The following ELAVL2 variants were observed in gnomAD, a reference collection of about 807,000 sequenced individuals.
ELAVL2 encodes the protein ELAV-like protein 2.
A neutral mutation model predicts 34.6 loss-of-function variants in ELAVL2; 4 were observed. That is an observed-to-expected ratio of 0.12 (90% CI 0.06 to 0.26). ELAVL2 has a LOEUF of 0.26. Among genes scored for constraint, ELAVL2 ranks in the 10% least tolerant of loss-of-function variants. The pLI, the probability that ELAVL2 is intolerant of heterozygous loss-of-function variation, is 1.00. For missense variants in ELAVL2, 432 were observed against 442.8 expected (o/e 0.98, Z 0.22); for synonymous variants, 193 against 154.8 (o/e 1.25, Z -1.83).
intron 5 of ELAVL2, among the ~76,000 whole-genome samples, chr9:23,694,950 A>G (rs1169616105): frequency 6.6e-6 from 1 of 152,202 alleles, no homozygotes; most frequent in Non-Finnish European, 1.5e-5. Flanking sequence ...CTGATAGTTT[A>G]TAATAAATAT....
rs1021301287 is a variant in ELAVL2 at position 23,804,427 on chromosome 9, C to T, written c.-16+21379G>A. Among the ~76,000 whole-genome samples the T allele has an allele frequency of 4.6e-5, 7 of 152,166 alleles. No homozygotes were observed. The Middle Eastern group carries it at 0.01, about 223-fold the overall frequency. ...CTTAATACATAGATCTTTTTGAATGCTCTCTGAACCTTGCTTTTTACATTT... is the reference window on the plus strand; with the variant it reads ...CTTAATACATAGATCTTTTTGAATGTTCTCTGAACCTTGCTTTTTACATTT... On this transcript the variant is annotated intron_variant, in intron 1 of 6. Transcript: ENST00000397312.
chr9:23,806,905 C>T (rs897286380), intron 1 of ELAVL2, among the ~76,000 whole-genome samples: 3 of 152,160 alleles, frequency 2.0e-5, no homozygotes, highest in African/African-American at 4.8e-5. Flanking sequence ...TGAACTAAAA[C>T]TTGGTTTACT....
chr9:23,745,371 T>C (rs1189510654), intron 2 of ELAVL2, among the ~76,000 whole-genome samples: 3 of 152,298 alleles, frequency 2.0e-5, no homozygotes, highest in East Asian at 3.9e-4. Context: ...GGCCAGGTCA[T>C]TCCCCTGCCC....
chr9:23,844,175 C>T, the ELAVL2 span, among the ~76,000 whole-genome samples: 1 of 151,980 alleles, frequency 6.6e-6, no homozygotes, highest in Non-Finnish European at 1.5e-5. Flanking sequence ...CTCTGTGCTC[C>T]TAAAAGTACT....
At chr9:23,761,527 A>G (rs780366651) in intron 2 of ELAVL2, among the ~76,000 whole-genome samples, 37 of 151,684 alleles carry the variant, frequency 2.4e-4, no homozygotes, top group Non-Finnish European at 4.7e-4. Flanking sequence ...GCTTGGTATT[A>G]TATCAGTGAA....
intron 2 of ELAVL2, among the ~76,000 whole-genome samples, chr9:23,740,320 C>T (rs181579335): frequency 6.6e-4 from 100 of 152,288 alleles, no homozygotes; most frequent in African/African-American, 2.4e-3. Context: ...ACATCTGTAT[C>T]CATTTTACGG....
the ELAVL2 span, among the ~76,000 whole-genome samples, chr9:23,838,866 C>T: frequency 2.6e-5 from 4 of 152,020 alleles, no homozygotes; most frequent in East Asian, 1.9e-4. Context: ...AACTGGCTTC[C>T]GGACAGGTAC....
rs2135897249 is a variant in ELAVL2 at position 23,758,912 on chromosome 9, T to A, written c.229+3094A>T. ...ATGTTAAGAAATAATTACTAGTATCTCACCAAATGAAGGTTGAAAAACATC... is the reference window on the plus strand; with the variant it reads ...ATGTTAAGAAATAATTACTAGTATCACACCAAATGAAGGTTGAAAAACATC... On this transcript the variant is annotated intron_variant, in intron 2 of 6. Coordinates refer to ENST00000397312, the MANE Select transcript of ELAVL2 (RefSeq NM_004432.5). Among the ~76,000 whole-genome samples, 6 of 152,192 alleles carry A rather than the reference T, an allele frequency of 3.9e-5. 2 individuals are homozygous for A. In the Middle Eastern group the frequency reaches 0.02, roughly 518 times the overall value.
chr9:23,702,974 A>AAAAAAAAAAAAAC (rs1554663987), intron 4 of ELAVL2, among the ~76,000 whole-genome samples: 5 of 139,300 alleles, frequency 3.6e-5, no homozygotes, highest in Non-Finnish European at 7.6e-5. Flanking sequence ...AAAAAAAAAA[A>AAAAAAAAAAAAAC]AAAAAAACAG....
At chr9:23,822,917 CG>C (rs1486795001) in intron 1 of ELAVL2, among the ~76,000 whole-genome samples, 1 of 152,176 alleles carries the variant, frequency 6.6e-6, no homozygotes, top group Non-Finnish European at 1.5e-5. Context: ...CCCCATGCGA[CG>C]GGCGGAGCGG....
At chr9:23,722,578 AG>A (rs977902980) in intron 3 of ELAVL2, among the ~76,000 whole-genome samples, 1 of 152,214 alleles carries the variant, frequency 6.6e-6, no homozygotes, top group African/African-American at 2.4e-5. Flanking sequence ...GCCCAAATTA[AG>A]GCCTCTCTCA....
At chr9:23,757,100 G>T (rs553250497) in intron 2 of ELAVL2, among the ~76,000 whole-genome samples, 1 of 152,070 alleles carries the variant, frequency 6.6e-6, no homozygotes, top group Non-Finnish European at 1.5e-5. Context: ...GGGTACCACC[G>T]GGCTAGAATA....
At chr9:23,704,832 C>A in intron 4 of ELAVL2, 86 bp downstream of exon 4, 1 of 1,543,742 alleles carries the variant, frequency 6.5e-7, no homozygotes, top group South Asian at 1.2e-5. Context: ...GTTCTAGAAG[C>A]AAGACTGCTA....
chr9:23,722,505 A>C (rs1353951811), intron 3 of ELAVL2, among the ~76,000 whole-genome samples: 1 of 152,220 alleles, frequency 6.6e-6, no homozygotes, highest in Non-Finnish European at 1.5e-5. Context: ...AGGCAAAGAC[A>C]GCTCCACTCT....
At chr9:23,760,662 T>C (rs1243754652) in intron 2 of ELAVL2, among the ~76,000 whole-genome samples, 1 of 152,084 alleles carries the variant, frequency 6.6e-6, no homozygotes, top group Non-Finnish European at 1.5e-5. Flanking sequence ...ATCCATCTGA[T>C]TATCAGTGTT....
At chr9:23,730,656 T>C (rs10757447) in intron 3 of ELAVL2, among the ~76,000 whole-genome samples, 29,970 of 152,026 alleles carry the variant, frequency 0.2, 3,222 homozygotes, top group Admixed American at 0.28. Context: ...TGTGACAGAA[T>C]GCATGGCTCG....
intron 1 of ELAVL2, among the ~76,000 whole-genome samples, chr9:23,820,295 T>C (rs1564599792): frequency 6.6e-6 from 1 of 152,212 alleles, no homozygotes. Context: ...GCTAAATTTT[T>C]ATGAAGAATT....
chr9:23,797,022 A>G (rs185500894), intron 1 of ELAVL2, among the ~76,000 whole-genome samples: 2 of 152,334 alleles, frequency 1.3e-5, no homozygotes, highest in Admixed American at 1.3e-4. Context: ...CAAGCATGAC[A>G]TGGTAGCCAA....
At chr9:23,733,645 G>T (rs530680271) in intron 2 of ELAVL2, among the ~76,000 whole-genome samples, 41 of 152,310 alleles carry the variant, frequency 2.7e-4, no homozygotes, top group African/African-American at 9.6e-4. Context: ...TGGGGCACAA[G>T]AGTGCCTACT....
Sources: allele counts gnomAD v4.1 joint callset (sites outside exome capture counted in the v4.1 genomes callset), GRCh38; gene constraint gnomAD v4.1.1; transcripts MANE v1.5; gene names NCBI Gene and HGNC (gene_info 2026-07-23, HGNC 2026-07-21).